The following SHISA9 variants were observed in gnomAD, a reference collection of about 807,000 sequenced individuals.
SHISA9 encodes protein shisa-9.
In SHISA9, 13 loss-of-function variants were observed where a neutral mutation model predicts 38.0. The ratio of observed to expected loss-of-function variants is 0.34; its 90% CI spans 0.22 to 0.54. The LOEUF is 0.54. Ranked by LOEUF, SHISA9 falls within the 20% of genes least tolerant of loss-of-function variation. The pLI is 0.91. For missense variants in SHISA9, 538 were observed against 575.8 expected (o/e 0.93, Z 0.67); for synonymous variants, 275 against 242.0 (o/e 1.14, Z -1.27).
At chr16:13,185,711 T>C (rs1388394802) in intron 2 of SHISA9, among the ~76,000 whole-genome samples, 1 of 152,212 alleles carries the variant, frequency 6.6e-6, no homozygotes, top group Admixed American at 6.5e-5. Context: ...TTGTCCATTT[T>C]TCTTTCCTCA....
chr16:13,411,354 G>T, the SHISA9 span, among the ~76,000 whole-genome samples: 5 of 152,170 alleles, frequency 3.3e-5, no homozygotes, highest in African/African-American at 4.8e-5. Context: ...TGTGGTCCTG[G>T]GCAGAGTAAT....
the SHISA9 span, among the ~76,000 whole-genome samples, chr16:13,443,440 A>T: frequency 6.6e-6 from 1 of 152,352 alleles, no homozygotes; most frequent in African/African-American, 2.4e-5. Context: ...TATCTATAAA[A>T]TGGGGATGGT....
At chr16:12,984,407 A>G (rs1173387050) in intron 2 of SHISA9, among the ~76,000 whole-genome samples, 1 of 152,198 alleles carries the variant, frequency 6.6e-6, no homozygotes, top group African/African-American at 2.4e-5. Flanking sequence ...TTCTATGAAC[A>G]GTCAAATTCT....
intron 2 of SHISA9, among the ~76,000 whole-genome samples, chr16:13,200,440 A>G (rs1279209980): frequency 6.7e-6 from 1 of 150,036 alleles, no homozygotes; most frequent in African/African-American, 2.5e-5. Flanking sequence ...ACACACACAC[A>G]CAGCAGCAGC....
chr16:13,528,309 C>T, the SHISA9 span, among the ~76,000 whole-genome samples: 1 of 151,950 alleles, frequency 6.6e-6, no homozygotes, highest in Non-Finnish European at 1.5e-5. Context: ...ACACTTCTGA[C>T]TCCCTGCAAC....
At chr16:13,145,870 T>G (rs2050442877) in intron 2 of SHISA9, among the ~76,000 whole-genome samples, 1 of 152,164 alleles carries the variant, frequency 6.6e-6, no homozygotes, top group Non-Finnish European at 1.5e-5. Flanking sequence ...TTCATAGAAC[T>G]GACATTCCAA....
intron 2 of SHISA9, among the ~76,000 whole-genome samples, chr16:12,998,385 G>T (rs1450889352): frequency 6.6e-6 from 1 of 152,228 alleles, no homozygotes; most frequent in Non-Finnish European, 1.5e-5. Context: ...TTTTCCCGAT[G>T]TGGTAATTCA....
At chr16:13,298,997 G>C in the SHISA9 span, among the ~76,000 whole-genome samples, 1 of 152,128 alleles carries the variant, frequency 6.6e-6, no homozygotes, top group Non-Finnish European at 1.5e-5. Flanking sequence ...TAAACAAGCA[G>C]TCTCCTTGGC....
At chr16:13,384,393 G>C in the SHISA9 span, among the ~76,000 whole-genome samples, 38 of 152,164 alleles carry the variant, frequency 2.5e-4, no homozygotes, top group Non-Finnish European at 4.7e-4. Flanking sequence ...CTGGCCAGGT[G>C]ATCCCTGTCT....
the SHISA9 span, among the ~76,000 whole-genome samples, chr16:13,374,302 G>A: frequency 2.6e-5 from 4 of 152,076 alleles, no homozygotes; most frequent in African/African-American, 9.6e-5. Flanking sequence ...ATTTCCTAAT[G>A]CTATCCCTCC....
chr16:13,189,785 C>T (rs543717529), intron 2 of SHISA9, among the ~76,000 whole-genome samples: 2 of 152,286 alleles, frequency 1.3e-5, no homozygotes, highest in Admixed American at 1.3e-4. Context: ...ACAATTTATC[C>T]TAACGAGCTT....
the SHISA9 span, among the ~76,000 whole-genome samples, chr16:13,483,400 T>G: frequency 1.3e-5 from 2 of 152,194 alleles, no homozygotes; most frequent in African/African-American, 4.8e-5. Flanking sequence ...CCTAGCTTTA[T>G]TCTGAGAACT....
At chr16:13,073,787 CG>C (rs2073547058) in intron 2 of SHISA9, among the ~76,000 whole-genome samples, 1 of 151,982 alleles carries the variant, frequency 6.6e-6, no homozygotes, top group Non-Finnish European at 1.5e-5. Flanking sequence ...TGAATGGGAA[CG>C]AGGCGGATAC....
chr16:12,938,675 G>A (rs1231912802), intron 2 of SHISA9, among the ~76,000 whole-genome samples: 2 of 151,018 alleles, frequency 1.3e-5, no homozygotes, highest in African/African-American at 4.9e-5. Flanking sequence ...TTTTTTTTTT[G>A]TATTTTTAGT....
downstream of SHISA9, among the ~76,000 whole-genome samples, chr16:13,244,684 T>A (rs190935046): frequency 6.6e-5 from 10 of 152,320 alleles, no homozygotes; most frequent in Non-Finnish European, 1.5e-4. Flanking sequence ...CTGTATGAGG[T>A]TTCCGACTAC....
chr16:12,997,299 CT>C (rs1364244475), intron 2 of SHISA9, among the ~76,000 whole-genome samples: 1 of 151,484 alleles, frequency 6.6e-6, no homozygotes, highest in Non-Finnish European at 1.5e-5. Context: ...TGCTGTTTGT[CT>C]TGGTAATTCA....
chr16:13,207,582 C>T (rs893649477), intron 3 of SHISA9, among the ~76,000 whole-genome samples: 3 of 151,814 alleles, frequency 2.0e-5, no homozygotes, highest in Admixed American at 1.3e-4. Flanking sequence ...TTGATGTACC[C>T]CCTCCTGTTC....
the SHISA9 span, among the ~76,000 whole-genome samples, chr16:13,246,734 T>C: frequency 6.6e-6 from 1 of 151,704 alleles, no homozygotes; most frequent in Non-Finnish European, 1.5e-5. Flanking sequence ...TTAGGAATAA[T>C]CTTCTATTAT....
At chr16:13,243,070 C>G (rs1447982256), downstream of SHISA9, among the ~76,000 whole-genome samples, 1 of 152,030 alleles carries the variant, frequency 6.6e-6, no homozygotes, top group Non-Finnish European at 1.5e-5. Flanking sequence ...GAAACCCCAT[C>G]TCTACTGAAA....
Sources: gnomAD v4.1 joint callset for allele counts (sites outside exome capture counted in the v4.1 genomes callset) on GRCh38, gnomAD v4.1.1 for gene constraint, MANE v1.5 for transcripts, NCBI Gene and HGNC (gene_info 2026-07-23, HGNC 2026-07-21) for gene names.